MACROD2: variants seen among roughly 807,000 people sequenced by gnomAD.
MACROD2 encodes mono-ADP ribosylhydrolase 2.
In MACROD2, 36 loss-of-function variants were observed where a neutral mutation model predicts 70.4. That is an observed-to-expected ratio of 0.51 (90% CI 0.39 to 0.68). The LOEUF is 0.68. Ranked by LOEUF, MACROD2 falls within the 30% of genes least tolerant of loss-of-function variation. The pLI, the probability that MACROD2 is intolerant of heterozygous loss-of-function variation, is 0.00. For synonymous variants in MACROD2, 172 were observed against 178.8 expected (o/e 0.96, Z 0.30); for missense variants, 496 against 538.4 (o/e 0.92, Z 0.78).
intron 5 of MACROD2, among the ~76,000 whole-genome samples, chr20:14,939,202 T>C (rs2122702177): frequency 6.6e-6 from 1 of 152,238 alleles, no homozygotes; most frequent in Non-Finnish European, 1.5e-5. Flanking sequence ...CCCAAAGTTT[T>C]CTTCTAGTAC....
At chr20:14,374,902 G>A (rs2083358031) in intron 3 of MACROD2, among the ~76,000 whole-genome samples, 1 of 152,130 alleles carries the variant, frequency 6.6e-6, no homozygotes, top group African/African-American at 2.4e-5. Context: ...AATTTGGGTA[G>A]TATGCGCTTT....
chr20:15,887,283 G>A (rs569416246), intron 10 of MACROD2, among the ~76,000 whole-genome samples: 3 of 152,260 alleles, frequency 2.0e-5, no homozygotes, highest in East Asian at 3.9e-4. Flanking sequence ...AAGGATTATA[G>A]CTTCTATCTA....
intron 12 of MACROD2, among the ~76,000 whole-genome samples, chr20:15,963,776 T>G (rs2066098901): frequency 1.3e-5 from 2 of 152,208 alleles, no homozygotes; most frequent in Non-Finnish European, 2.9e-5. Flanking sequence ...GTTTTTCATT[T>G]TATTTTAATC....
At chr20:14,568,978 C>G (rs2423822) in intron 4 of MACROD2, among the ~76,000 whole-genome samples, 81,396 of 151,750 alleles carry the variant, frequency 0.54, 23,304 homozygotes, top group East Asian at 0.65. Context: ...TGTTCTTTCT[C>G]TTTCCAACTC....
At chr20:14,552,460 G>C (rs766480335) in intron 4 of MACROD2, among the ~76,000 whole-genome samples, 2 of 150,896 alleles carry the variant, frequency 1.3e-5, no homozygotes, top group Non-Finnish European at 3.0e-5. Flanking sequence ...AAAGCCTTTT[G>C]GTGTACAAGG....
chr20:14,737,267 T>C (rs910573870), intron 5 of MACROD2, among the ~76,000 whole-genome samples: 1 of 152,182 alleles, frequency 6.6e-6, no homozygotes, highest in African/African-American at 2.4e-5. Flanking sequence ...TCCATGTCCC[T>C]GCAAAGGACG....
chr20:14,861,777 C>A (rs898121120), intron 5 of MACROD2, among the ~76,000 whole-genome samples: 27 of 149,714 alleles, frequency 1.8e-4, no homozygotes, highest in Admixed American at 6.1e-4. Flanking sequence ...GGTGGAATGA[C>A]CTCCCGAAGG....
In MACROD2 at chr20:14,908,118, C is replaced by A. The variant is rs188612039; in HGVS notation, c.418+223159C>A. On this transcript the variant is annotated intron_variant, in intron 5 of 17. Coordinates refer to ENST00000684519, the MANE Select transcript of MACROD2 (RefSeq NM_001351661.2). ...CAGCACTTTGGGAGGCCGAGACAGG[C>A]GGATCACCCGATGTCAGGAATTCGA... is the stretch of plus-strand genomic sequence containing the variant. Among the ~76,000 whole-genome samples the A allele has an allele frequency of 4.3e-3, 647 of 152,074 alleles. 2 individuals are homozygous for A. Among genetic ancestry groups the A allele is most frequent in the Non-Finnish European group, 7.5e-3 (510 of 67,982 alleles).
chr20:16,003,626 C>G (rs1210049489), intron 15 of MACROD2, among the ~76,000 whole-genome samples: 1 of 152,088 alleles, frequency 6.6e-6, no homozygotes, highest in African/African-American at 2.4e-5. Context: ...GTGCCCTATC[C>G]CTCAAGTTTC....
chr20:15,481,966 T>C (rs6079849), intron 7 of MACROD2, among the ~76,000 whole-genome samples: 62,985 of 151,988 alleles, frequency 0.41, 13,917 homozygotes, highest in Non-Finnish European at 0.49. Context: ...TAGAACAGCA[T>C]TGGGGGGTTT....
chr20:14,515,465 G>GCACACACACACACACACA (rs11467236), intron 4 of MACROD2, among the ~76,000 whole-genome samples: 1 of 127,066 alleles, frequency 7.9e-6, no homozygotes, highest in African/African-American at 3.1e-5. Flanking sequence ...ACACACACAC[G>GCACACACACACACACACA]CACACACACA....
intron 3 of MACROD2, among the ~76,000 whole-genome samples, chr20:14,351,130 C>G (rs558238384): frequency 4.3e-4 from 66 of 152,144 alleles, no homozygotes; most frequent in Non-Finnish European, 7.8e-4. Context: ...ATGCCAGTAC[C>G]ATGCTGTTTT....
chr20:15,562,056 G>T (rs1455134052), intron 8 of MACROD2, among the ~76,000 whole-genome samples: 3 of 152,172 alleles, frequency 2.0e-5, no homozygotes, highest in African/African-American at 2.4e-5. Flanking sequence ...TCATAATAAA[G>T]TTTTGCATAT....
chr20:15,269,206 C>A (rs2077323772), intron 6 of MACROD2, among the ~76,000 whole-genome samples: 1 of 152,228 alleles, frequency 6.6e-6, no homozygotes, highest in Admixed American at 6.5e-5. Context: ...TTGTAACCCT[C>A]CAGAGAGAGG....
chr20:14,513,705 T>C (rs911341359), intron 4 of MACROD2, among the ~76,000 whole-genome samples: 1 of 152,146 alleles, frequency 6.6e-6, no homozygotes, highest in Non-Finnish European at 1.5e-5. Context: ...TGATTTGTTA[T>C]GTTTAGATGG....
intron 7 of MACROD2, among the ~76,000 whole-genome samples, chr20:15,442,991 A>G (rs2046515809): frequency 6.6e-6 from 1 of 152,130 alleles, no homozygotes; most frequent in Non-Finnish European, 1.5e-5. Context: ...CCTCACCTCA[A>G]TTGTTTACAT....
chr20:14,125,029 T>C (rs1391144267), intron 3 of MACROD2, among the ~76,000 whole-genome samples: 2 of 152,256 alleles, frequency 1.3e-5, no homozygotes, highest in East Asian at 1.9e-4. Flanking sequence ...AAAACATTGT[T>C]CTGAGTGAAA....
intron 5 of MACROD2, among the ~76,000 whole-genome samples, chr20:14,750,531 C>T (rs1449243219): frequency 1.3e-5 from 2 of 152,086 alleles, no homozygotes; most frequent in Middle Eastern, 3.2e-3. Context: ...GCACAATCTG[C>T]TTACTGCAAT....
At chr20:16,027,812 G>A (rs2067100899) in intron 15 of MACROD2, among the ~76,000 whole-genome samples, 1 of 152,150 alleles carries the variant, frequency 6.6e-6, no homozygotes, top group Non-Finnish European at 1.5e-5. Flanking sequence ...GGGTGGAGGG[G>A]AGTGTTAGAG....
Sources: allele counts gnomAD v4.1 joint callset (sites outside exome capture counted in the v4.1 genomes callset), GRCh38; gene constraint gnomAD v4.1.1; transcripts MANE v1.5; gene names NCBI Gene and HGNC (gene_info 2026-07-23, HGNC 2026-07-21).